Variants in KIF13A observed in about 807,000 individuals in gnomAD.
The protein encoded by KIF13A is kinesin-like protein KIF13A.
In KIF13A, 79 loss-of-function variants were observed where a neutral mutation model predicts 212.2. The observed-to-expected ratio is 0.37, with a 90% CI of 0.31 to 0.45. The LOEUF (loss-of-function observed/expected upper bound fraction) is 0.45. Among genes scored for constraint, KIF13A ranks in the 20% least tolerant of loss-of-function variants. The pLI, the probability that KIF13A is intolerant of heterozygous loss-of-function variation, is 1.00. For missense variants in KIF13A, 1,901 were observed against 2,209.0 expected (o/e 0.86, Z 2.79); for synonymous variants, 789 against 808.6 (o/e 0.98, Z 0.41).
chr6:17,935,282 G>A (rs1561779082), intron 2 of KIF13A, among the ~76,000 whole-genome samples: 1 of 152,154 alleles, frequency 6.6e-6, no homozygotes. Flanking sequence ...GGCAGTTTAA[G>A]GCTCAAGCCC....
At chr6:17,927,875 G>C (rs906965174) in intron 2 of KIF13A, among the ~76,000 whole-genome samples, 1 of 152,254 alleles carries the variant, frequency 6.6e-6, no homozygotes, top group Admixed American at 6.5e-5. Flanking sequence ...GCGTGAGCCC[G>C]TGCAGCACCA....
Position 17,919,863 on chromosome 6 carries a change from A to T in KIF13A, c.147-21683T>A, listed in dbSNP as rs1434202038. Among the ~76,000 whole-genome samples, 1 of 152,236 alleles carries T rather than the reference A, an allele frequency of 6.6e-6. No individual in the cohort carries two copies. The highest frequency in any genetic ancestry group is 1.5e-5 in the Non-Finnish European group (1 of 68,046). On this transcript the variant is annotated intron_variant, in intron 2 of 38. Coordinates refer to ENST00000259711, the MANE Select transcript of KIF13A (RefSeq NM_022113.6). This position sits in a 1 kb window ranked among gnomAD's most constrained non-coding sequence, Gnocchi z 4.1. ...CTCTGCTACGACAGTGAAGAAATAC[A>T]GCAAAACAGTGCAGGACCAGTGTTT...
intron 2 of KIF13A, among the ~76,000 whole-genome samples, chr6:17,921,304 C>A (rs1443560300): frequency 6.6e-6 from 1 of 152,188 alleles, no homozygotes; most frequent in Non-Finnish European, 1.5e-5. Flanking sequence ...CCCTGCATGG[C>A]AAACATTAGC....
At position 17,771,728 on chromosome 6, in the gene KIF13A, C is replaced by T. The variant is rs941426711; in HGVS notation, c.4476+180G>A. On this transcript the variant is annotated intron_variant, in intron 37 of 38. Transcript: ENST00000259711. This position sits in a 1 kb window ranked among gnomAD's most constrained non-coding sequence, Gnocchi z 5.4. ...AGAAATAAAACCACAGCAGCAACAA[C>T]AAACAAGAGATTCTACCATGACTCT... 5.4e-6 allele frequency: 3 copies of T among 550,752 alleles called. No homozygotes were observed. The highest frequency in any genetic ancestry group is 6.5e-6 in the Non-Finnish European group (2 of 309,150). The allele number at this position is 550,752 out of a possible 1,614,324, so 34.1% of individuals were successfully genotyped here.
intron 3 of KIF13A, among the ~76,000 whole-genome samples, chr6:17,887,999 C>A (rs1027647282): frequency 7.9e-5 from 12 of 151,878 alleles, no homozygotes; most frequent in African/African-American, 2.7e-4. Flanking sequence ...AGCCACTGGG[C>A]CCAGCCCCTG....
intron 2 of KIF13A, among the ~76,000 whole-genome samples, chr6:17,936,034 A>T (rs1378116016): frequency 2.6e-5 from 4 of 152,244 alleles, no homozygotes; most frequent in Non-Finnish European, 5.9e-5. Flanking sequence ...CAACTCAAAC[A>T]CATATGAATG....
chr6:17,798,196 GA>G (rs1342651575), intron 22 of KIF13A, among the ~76,000 whole-genome samples: 2 of 139,730 alleles, frequency 1.4e-5, no homozygotes, highest in African/African-American at 6.3e-5. Context: ...TTTTAGCGAT[GA>G]AAAAACTCCA....
rs1762324334 is a variant in KIF13A at position 17,799,677 on chromosome 6, T to G, written c.2617-238A>C. ...TACACACATTCCTGCAAAAGCTTCC[T>G]AATGACTGAGATGCAACCTTTAATA... On this transcript the variant is annotated intron_variant, in intron 21 of 38. Coordinates refer to ENST00000259711, the MANE Select transcript of KIF13A (RefSeq NM_022113.6). The surrounding 1 kb of genome is among the most constrained non-coding windows in gnomAD (Gnocchi z 4.4). Among the ~76,000 whole-genome samples, 1 of 152,196 alleles carries G rather than the reference T, an allele frequency of 6.6e-6. No individual in the cohort carries two copies. Among genetic ancestry groups the G allele is most frequent in the Non-Finnish European group, 1.5e-5 (1 of 68,038 alleles).
In KIF13A at chr6:17,855,435, AC is replaced by A; in HGVS notation, c.494+1del. ...CACACTTAATCTTGACCACTAACTTACCCTTTGGGGTCTAAAAGATCCCGAA... is the reference window on the plus strand; with the variant it reads ...CACACTTAATCTTGACCACTAACTTACCTTTGGGGTCTAAAAGATCCCGAA... On this transcript the variant is annotated splice_donor_variant, in intron 6 of 38. Transcript: ENST00000259711. LOFTEE classifies it high-confidence loss of function. The surrounding 1 kb of genome is among the most constrained non-coding windows in gnomAD (Gnocchi z 4.1). The A allele has an allele frequency of 6.2e-7, 1 of 1,602,026 alleles. No individual in the cohort carries two copies.
rs545606778 is a variant in KIF13A at position 17,914,386 on chromosome 6, A to T, written c.147-16206T>A. On this transcript the variant is annotated intron_variant, in intron 2 of 38. Transcript: ENST00000259711. The surrounding 1 kb of genome is among the most constrained non-coding windows in gnomAD (Gnocchi z 5.9). ...ATGCAATCAACCAGTTAATATAATT[A>T]AAAAAAATTACAATAAAATACAAAA... Among the ~76,000 whole-genome samples the T allele has an allele frequency of 1.6e-3, 249 of 152,200 alleles. 3 individuals are homozygous for T. The Middle Eastern group carries it at 0.021, about 13-fold the overall frequency.
intron 2 of KIF13A, among the ~76,000 whole-genome samples, chr6:17,983,578 C>G (rs1349848664): frequency 6.6e-6 from 1 of 151,898 alleles, no homozygotes; most frequent in African/African-American, 2.4e-5. Flanking sequence ...CGGCAACCTC[C>G]ATCGCCAAGG....
intron 3 of KIF13A, chr6:17,882,220 A>C (rs1771138178): frequency 2.7e-6 from 1 of 370,750 alleles, no homozygotes; most frequent in South Asian, 2.0e-5. Context: ...AAAGCAATAA[A>C]CTAACACCCA....
intron 2 of KIF13A, among the ~76,000 whole-genome samples, chr6:17,937,674 A>G (rs1160287538): frequency 6.6e-6 from 1 of 152,208 alleles, no homozygotes; most frequent in African/African-American, 2.4e-5. Flanking sequence ...TGTCCAATAT[A>G]AGAATGTACA....
At position 17,895,832 on chromosome 6, in the gene KIF13A, T is replaced by C. The variant is rs1272970614; in HGVS notation, c.159+2336A>G. Reference sequence around the variant, plus strand: ...TGCCTTCAAGCACAAGTTTTTAATATTTTGTCCAGTCCTAGTTGTCCTCAG... The same window carrying C: ...TGCCTTCAAGCACAAGTTTTTAATACTTTGTCCAGTCCTAGTTGTCCTCAG... On this transcript the variant is annotated intron_variant, in intron 3 of 38. Transcript: ENST00000259711. The surrounding 1 kb of genome is among the most constrained non-coding windows in gnomAD (Gnocchi z 4.4). Among the ~76,000 whole-genome samples, 1 of 152,214 alleles carries C rather than the reference T, an allele frequency of 6.6e-6. No homozygotes were observed. Among genetic ancestry groups the C allele is most frequent in the Admixed American group, 6.5e-5 (1 of 15,282 alleles).
At chr6:17,874,384 T>C (rs1337069439) in intron 3 of KIF13A, among the ~76,000 whole-genome samples, 1 of 151,978 alleles carries the variant, frequency 6.6e-6, no homozygotes, top group African/African-American at 2.4e-5. Flanking sequence ...CAATTTTACA[T>C]GTTTAGTATT....
intron 2 of KIF13A, among the ~76,000 whole-genome samples, chr6:17,983,494 C>CTTTT (rs747300594): frequency 7.9e-6 from 1 of 127,342 alleles, no homozygotes. Context: ...GCTGCTGCTG[C>CTTTT]TTTTTTTTTT....
At position 17,926,756 on chromosome 6, in the gene KIF13A, TA is replaced by T; in HGVS notation, c.147-28577del. 6.6e-6 allele frequency among the ~76,000 whole-genome samples: 1 copy of T among 152,322 alleles called. No individual in the cohort carries two copies. The highest frequency in any genetic ancestry group is 2.1e-4 in the South Asian group (1 of 4,826). On this transcript the variant is annotated intron_variant, in intron 2 of 38. Coordinates refer to ENST00000259711, the MANE Select transcript of KIF13A (RefSeq NM_022113.6). This position sits in a 1 kb window ranked among gnomAD's most constrained non-coding sequence, Gnocchi z 4.3. ...AGTATATTAGGATATATTCAGATGA[TA>T]AACAACTTGTAGCTACTATCTGAAA...
In KIF13A at chr6:17,897,211, GA is replaced by G. The variant is rs1756906602; in HGVS notation, c.159+956del. The stretch of plus-strand genomic sequence containing the variant: ...TTTCCATAATCCAAGAGCTAAGATG[GA>G]TTGTTCTTCATAACCCCAGGGGAAA... On this transcript the variant is annotated intron_variant, in intron 3 of 38. Transcript: ENST00000259711. The surrounding 1 kb of genome is among the most constrained non-coding windows in gnomAD (Gnocchi z 4.8). Among the ~76,000 whole-genome samples, 1 of 152,138 alleles carries G rather than the reference GA, an allele frequency of 6.6e-6. No homozygotes were observed. The highest frequency in any genetic ancestry group is 1.5e-5 in the Non-Finnish European group (1 of 68,026).
rs1581968510 is a variant in KIF13A at position 17,987,554 on chromosome 6, CCTCGAGCGCGGCCGCCGCCG to C, written c.-111_-92del. On this transcript the variant is annotated 5_prime_UTR_variant, in exon 1 of 39. The change abolishes the stop of an existing upstream ORF in the 5' untranslated region. Transcript: ENST00000259711. This position sits in a 1 kb window ranked among gnomAD's most constrained non-coding sequence, Gnocchi z 7.7. Reference sequence around the variant, plus strand: ...GCCGCCGCCGCTGCAGCCGCGCGCCCCTCGAGCGCGGCCGCCGCCGCTCCGCCGTGAGCTCCGAGAGGCAG... The same window carrying C: ...GCCGCCGCCGCTGCAGCCGCGCGCCCCTCCGCCGTGAGCTCCGAGAGGCAG... 5.8e-6 allele frequency: 4 copies of C among 694,674 alleles called. No individual in the cohort carries two copies. The highest frequency in any genetic ancestry group is 7.2e-6 in the Non-Finnish European group (4 of 558,890). The allele number at this position is 694,674 out of a possible 1,614,324, so 43.0% of individuals were successfully genotyped here. A position where few individuals can be genotyped will look rare whatever the true frequency, so the allele number is the denominator to read the frequency against.
Sources: gnomAD v4.1 joint callset for allele counts (sites outside exome capture counted in the v4.1 genomes callset) on GRCh38, gnomAD v4.1.1 for gene constraint, Gnocchi (gnomAD v3.1) non-coding constraint, MANE v1.5 for transcripts, NCBI Gene and HGNC (gene_info 2026-07-23, HGNC 2026-07-21) for gene names.